CENPP: variants seen among roughly 807,000 people sequenced by gnomAD.
CENPP encodes the protein centromere protein P.
A neutral mutation model predicts 35.6 loss-of-function variants in CENPP; 24 were observed. The ratio of observed to expected loss-of-function variants is 0.67; its 90% CI spans 0.49 to 0.95. The LOEUF (loss-of-function observed/expected upper bound fraction) is 0.95, where lower values mean the gene tolerates loss of function less well. CENPP is among the 40% of genes least tolerant of loss of function. CENPP has a pLI of 0.00. For synonymous variants in CENPP, 120 were observed against 125.5 expected, an observed-to-expected ratio of 0.96 and a Z score of 0.29; for missense variants, 332 against 345.3, an observed-to-expected ratio of 0.96 and a Z score of 0.31.
chr9:92,471,145 T>C (rs919361590), intron 5 of CENPP, among the ~76,000 whole-genome samples: 2 of 152,024 alleles, frequency 1.3e-5, no homozygotes, highest in Non-Finnish European at 2.9e-5. Flanking sequence ...TTTGCAAATT[T>C]TCAGGCTGTT....
chr9:92,447,696 A>C (rs1235251132), intron 5 of CENPP, among the ~76,000 whole-genome samples: 3 of 152,146 alleles, frequency 2.0e-5, no homozygotes, highest in Admixed American at 6.5e-5. Context: ...AGTGACTGAG[A>C]ATAAAAAGGA....
rs60545319 is a variant in CENPP at position 92,567,375 on chromosome 9, T to TATATAGATATAG, written c.565-43934_565-43933insGATATAGATATA. Among the ~76,000 whole-genome samples the TATATAGATATAG allele has an allele frequency of 8.1e-4, 66 of 81,872 alleles. 2 individuals carry two copies. The East Asian group carries it at 0.014, about 17-fold the overall frequency. 53.7% of individuals were successfully genotyped at this position (81,872 alleles called of 152,430 possible). On this transcript the variant is annotated intron_variant, in intron 5 of 7. Transcript: ENST00000375587. ...GGGGTATACAGTTACATAAGATAGA[T>TATATAGATATAG]ATATATATATATATATATATAGATA...
chr9:92,418,619 G>A (rs1032169425), intron 5 of CENPP, among the ~76,000 whole-genome samples: 6 of 152,106 alleles, frequency 3.9e-5, no homozygotes, highest in Non-Finnish European at 8.8e-5. Flanking sequence ...ACTGCCTGGG[G>A]GAGGAAAGAC....
chr9:92,458,351 C>T (rs10992347), intron 5 of CENPP, among the ~76,000 whole-genome samples: 4 of 152,070 alleles, frequency 2.6e-5, no homozygotes, highest in East Asian at 1.9e-4. Context: ...TGCTGGCCAA[C>T]GTGGGATATC....
At chr9:92,565,974 C>A (rs1427303999) in intron 5 of CENPP, among the ~76,000 whole-genome samples, 1 of 152,100 alleles carries the variant, frequency 6.6e-6, no homozygotes, top group Non-Finnish European at 1.5e-5. Flanking sequence ...TTATTAGATT[C>A]AAATGTCCAA....
chr9:92,371,100 A>G (rs1189769875), intron 4 of CENPP, among the ~76,000 whole-genome samples: 2 of 151,570 alleles, frequency 1.3e-5, no homozygotes, highest in Non-Finnish European at 2.9e-5. Flanking sequence ...TTATTTTTTG[A>G]CTATCTATTT....
chr9:92,548,147 TG>T (rs1015503251), intron 5 of CENPP, among the ~76,000 whole-genome samples: 7 of 152,214 alleles, frequency 4.6e-5, no homozygotes, highest in African/African-American at 1.4e-4. Flanking sequence ...CTGCTGCATG[TG>T]TGTCACTAGG....
chr9:92,481,553 A>G (rs537536594), intron 5 of CENPP, among the ~76,000 whole-genome samples: 7 of 152,334 alleles, frequency 4.6e-5, no homozygotes, highest in Non-Finnish European at 7.4e-5. Flanking sequence ...TATTGAATAC[A>G]TTGCTTAAAT....
chr9:92,443,854 G>T (rs1432431407), intron 5 of CENPP, among the ~76,000 whole-genome samples: 2 of 151,918 alleles, frequency 1.3e-5, no homozygotes, highest in African/African-American at 2.4e-5. Flanking sequence ...GTAGAGATGG[G>T]GTTTCACCAT....
chr9:92,546,480 G>A (rs1000622453), intron 5 of CENPP, among the ~76,000 whole-genome samples: 1 of 152,090 alleles, frequency 6.6e-6, no homozygotes, highest in East Asian at 1.9e-4. Context: ...GCGAGTCCAC[G>A]AACCCACTGG....
intron 5 of CENPP, among the ~76,000 whole-genome samples, chr9:92,480,800 C>A (rs937216391): frequency 2.6e-5 from 4 of 152,130 alleles, no homozygotes; most frequent in African/African-American, 9.7e-5. Flanking sequence ...TGTGATATAA[C>A]ATACTCCATA....
At chr9:92,527,817 A>G (rs1433194190) in intron 5 of CENPP, among the ~76,000 whole-genome samples, 1 of 152,130 alleles carries the variant, frequency 6.6e-6, no homozygotes, top group African/African-American at 2.4e-5. Flanking sequence ...GCCTAAGTAC[A>G]GATGTCACTA....
At chr9:92,439,103 G>A (rs994442155) in intron 5 of CENPP, among the ~76,000 whole-genome samples, 1 of 152,138 alleles carries the variant, frequency 6.6e-6, no homozygotes, top group Non-Finnish European at 1.5e-5. Context: ...GCACAATTCT[G>A]TTTGTCCGTT....
chr9:92,403,591 T>G, intron 5 of CENPP: 1 of 1,227,044 alleles, frequency 8.1e-7, no homozygotes, highest in Non-Finnish European at 1.0e-6. Flanking sequence ...CTTAGTGATC[T>G]TTAATTAGAT....
At chr9:92,407,570 G>A (rs145509154) in intron 5 of CENPP, among the ~76,000 whole-genome samples, 12 of 152,326 alleles carry the variant, frequency 7.9e-5, no homozygotes, top group African/African-American at 2.4e-4. Flanking sequence ...TCATGCTCAA[G>A]AGCAGGCATT....
At chr9:92,567,392 A>ATG (rs1850015995) in intron 5 of CENPP, among the ~76,000 whole-genome samples, 1 of 103,900 alleles carries the variant, frequency 9.6e-6, no homozygotes, top group Admixed American at 9.2e-5. Flanking sequence ...ATATATATAT[A>ATG]TATAGATATA....
intron 5 of CENPP, among the ~76,000 whole-genome samples, chr9:92,544,144 C>A (rs1327821402): frequency 1.3e-5 from 2 of 150,998 alleles, no homozygotes; most frequent in Non-Finnish European, 3.0e-5. Flanking sequence ...AGCTTTTCAT[C>A]GTTAAGCATG....
chr9:92,421,655 T>G (rs2130969999), intron 5 of CENPP, among the ~76,000 whole-genome samples: 1 of 152,354 alleles, frequency 6.6e-6, no homozygotes, highest in East Asian at 1.9e-4. Flanking sequence ...AGTAGTTAGT[T>G]TGATTGGGTT....
intron 5 of CENPP, among the ~76,000 whole-genome samples, chr9:92,577,493 G>T (rs1850312816): frequency 6.6e-6 from 1 of 152,120 alleles, no homozygotes; most frequent in East Asian, 1.9e-4. Flanking sequence ...CATCATAAAT[G>T]AATCTCCCAA....
Sources: allele counts gnomAD v4.1 joint callset (sites outside exome capture counted in the v4.1 genomes callset), GRCh38; gene constraint gnomAD v4.1.1; transcripts MANE v1.5; gene names NCBI Gene and HGNC (gene_info 2026-07-23, HGNC 2026-07-21).